The following SOX5 variants were observed in gnomAD, a reference collection of about 807,000 sequenced individuals.
The protein encoded by SOX5 is SRY-box transcription factor 5, also known as transcription factor SOX-5.
SOX5 carries 9 observed loss-of-function variants against 92.0 expected under a neutral mutation model. The observed-to-expected ratio is 0.10, with a 90% CI of 0.06 to 0.17. SOX5 has a LOEUF of 0.17. Ranked by LOEUF, SOX5 falls within the 10% of genes least tolerant of loss-of-function variation. The pLI is 1.00. For synonymous variants in SOX5, 344 were observed against 336.3 expected, an observed-to-expected ratio of 1.02 and a Z score of -0.25; for missense variants, 642 against 944.5, an observed-to-expected ratio of 0.68 and a Z score of 4.20.
chr12:24,514,385 C>T (rs1320370380), intron 1 of SOX5, among the ~76,000 whole-genome samples: 1 of 152,174 alleles, frequency 6.6e-6, no homozygotes, highest in Non-Finnish European at 1.5e-5. Context: ...GGGTAAAAAT[C>T]AGAGTCCACA....
chr12:24,121,515 G>A (rs978986496), intron 4 of SOX5, among the ~76,000 whole-genome samples: 1 of 150,114 alleles, frequency 6.7e-6, no homozygotes, highest in East Asian at 2.0e-4. Context: ...ATGCTTTACA[G>A]AAGTTTATGG....
At chr12:23,666,351 G>T (rs1183623592) in intron 6 of SOX5, among the ~76,000 whole-genome samples, 2 of 152,132 alleles carry the variant, frequency 1.3e-5, no homozygotes, top group Admixed American at 6.5e-5. Context: ...CACTCTCAGA[G>T]TATGGGGTTC....
chr12:23,744,298 CAT>C (rs1312494374), intron 4 of SOX5, among the ~76,000 whole-genome samples: 2 of 152,086 alleles, frequency 1.3e-5, no homozygotes, highest in African/African-American at 4.8e-5. Flanking sequence ...TTCTAAAATA[CAT>C]AGTTTCACAT....
intron 6 of SOX5, among the ~76,000 whole-genome samples, chr12:23,726,163 G>C (rs1218808008): frequency 3.4e-5 from 2 of 59,418 alleles, no homozygotes; most frequent in African/African-American, 1.3e-4. Flanking sequence ...GAGAGAGAGA[G>C]AGAGAGAGAG....
intron 4 of SOX5, among the ~76,000 whole-genome samples, chr12:24,095,028 C>T (rs937221983): frequency 6.6e-6 from 1 of 151,318 alleles, no homozygotes; most frequent in Non-Finnish European, 1.5e-5. Flanking sequence ...TGGTAATTGT[C>T]TTGAACAAAA....
chr12:24,344,766 G>A (rs1953032039), intron 2 of SOX5, among the ~76,000 whole-genome samples: 1 of 152,150 alleles, frequency 6.6e-6, no homozygotes, highest in Non-Finnish European at 1.5e-5. Flanking sequence ...GCTTCAGACA[G>A]AAATACGAAA....
At chr12:23,629,023 A>G (rs10505898) in intron 8 of SOX5, among the ~76,000 whole-genome samples, 3 of 151,912 alleles carry the variant, frequency 2.0e-5, no homozygotes, top group Non-Finnish European at 4.4e-5. Context: ...TAAAATGTCA[A>G]CAAGACTTGT....
At chr12:24,473,629 T>C (rs1945043974) in intron 1 of SOX5, among the ~76,000 whole-genome samples, 1 of 152,246 alleles carries the variant, frequency 6.6e-6, no homozygotes, top group Non-Finnish European at 1.5e-5. Flanking sequence ...AACCAAAACA[T>C]ATAGTTCAAT....
At chr12:23,970,692 T>C (rs1948122178) in intron 4 of SOX5, among the ~76,000 whole-genome samples, 3 of 150,170 alleles carry the variant, frequency 2.0e-5, no homozygotes, top group Admixed American at 6.7e-5. Flanking sequence ...CATGTGTTGA[T>C]AAACACTTGG....
chr12:24,373,749 T>A (rs1048374074), intron 1 of SOX5, among the ~76,000 whole-genome samples: 3 of 152,244 alleles, frequency 2.0e-5, no homozygotes, highest in Non-Finnish European at 4.4e-5. Context: ...TGAAATTATT[T>A]ACTTTTTGAA....
At chr12:23,802,619 C>A (rs979444460) in intron 3 of SOX5, among the ~76,000 whole-genome samples, 1 of 151,820 alleles carries the variant, frequency 6.6e-6, no homozygotes, top group Non-Finnish European at 1.5e-5. Flanking sequence ...ATTGTGACAC[C>A]CTCTAAAAAA....
chr12:23,895,759 T>A, intron 2 of SOX5, 34 bp downstream of exon 2: 1 of 1,465,910 alleles, frequency 6.8e-7, no homozygotes, highest in African/African-American at 1.4e-5. Flanking sequence ...GGTCAAAAAG[T>A]GAGTGTAGGC....
intron 2 of SOX5, among the ~76,000 whole-genome samples, chr12:23,883,652 A>T (rs2097025769): frequency 6.6e-6 from 1 of 152,162 alleles, no homozygotes; most frequent in Admixed American, 6.5e-5. Context: ...GATCACACAC[A>T]TTGCATGATT....
At chr12:24,317,912 G>C (rs1178927289) in intron 2 of SOX5, among the ~76,000 whole-genome samples, 1 of 152,070 alleles carries the variant, frequency 6.6e-6, no homozygotes, top group Non-Finnish European at 1.5e-5. Context: ...AAAATATTAG[G>C]AATATAAATA....
intron 2 of SOX5, among the ~76,000 whole-genome samples, chr12:23,890,610 T>C (rs2097121036): frequency 6.6e-6 from 1 of 152,148 alleles, no homozygotes; most frequent in Non-Finnish European, 1.5e-5. Flanking sequence ...ATATTGCTAC[T>C]TGATTTCTCC....
In SOX5 at chr12:24,506,466, G is replaced by A. The variant is rs563148218; in HGVS notation, c.-251+55863C>T. On this transcript the variant is annotated intron_variant, in intron 1 of 4. Transcript: ENST00000446891. The stretch of plus-strand genomic sequence containing the variant: ...GATTACAAGAAAAGTCTTGTTTGGG[G>A]TAGTTTGTGTTTTACTGAATTGCCT... 3.3e-5 allele frequency among the ~76,000 whole-genome samples: 5 copies of A among 151,146 alleles called. No homozygotes were observed. The South Asian group carries it at 1.0e-3, about 32-fold the overall frequency.
At chr12:24,083,841 A>G (rs563642163) in intron 4 of SOX5, among the ~76,000 whole-genome samples, 2 of 152,202 alleles carry the variant, frequency 1.3e-5, no homozygotes, top group South Asian at 4.1e-4. Context: ...GGCTATTTAT[A>G]TGGAATTAGG....
chr12:24,308,772 T>C (rs1948873507), intron 2 of SOX5, among the ~76,000 whole-genome samples: 1 of 152,230 alleles, frequency 6.6e-6, no homozygotes, highest in Admixed American at 6.5e-5. Flanking sequence ...TATAAGTTGA[T>C]GATCAGGTCA....
chr12:24,159,972 A>C (rs1449997346), intron 4 of SOX5, among the ~76,000 whole-genome samples: 1 of 152,042 alleles, frequency 6.6e-6, no homozygotes, highest in Non-Finnish European at 1.5e-5. Context: ...CTGGGTATCC[A>C]AAAATTAAAG....
Sources: gnomAD v4.1 joint callset for allele counts (sites outside exome capture counted in the v4.1 genomes callset) on GRCh38, gnomAD v4.1.1 for gene constraint, MANE v1.5 for transcripts, NCBI Gene and HGNC (gene_info 2026-07-23, HGNC 2026-07-21) for gene names.